SLC24A3: variants seen among roughly 807,000 people sequenced by gnomAD.
The protein encoded by SLC24A3 is sodium/potassium/calcium exchanger 3.
SLC24A3 carries 28 observed loss-of-function variants against 75.8 expected under a neutral mutation model. That is an observed-to-expected ratio of 0.37 (90% CI 0.27 to 0.51). The LOEUF is 0.51. Among genes scored for constraint, SLC24A3 ranks in the 20% least tolerant of loss-of-function variants. The pLI, the probability that SLC24A3 is intolerant of heterozygous loss-of-function variation, is 0.94. For missense variants in SLC24A3, 663 were observed against 847.8 expected, an observed-to-expected ratio of 0.78 and a Z score of 2.71; for synonymous variants, 372 against 334.1, an observed-to-expected ratio of 1.11 and a Z score of -1.24.
At chr20:19,448,900 C>T (rs1263232961) in intron 2 of SLC24A3, among the ~76,000 whole-genome samples, 2 of 152,232 alleles carry the variant, frequency 1.3e-5, no homozygotes, top group Non-Finnish European at 2.9e-5. Context: ...ATTTTCTCCT[C>T]TCCTACTAAT....
At chr20:19,667,833 T>C (rs2032417577) in intron 8 of SLC24A3, among the ~76,000 whole-genome samples, 2 of 152,190 alleles carry the variant, frequency 1.3e-5, no homozygotes, top group Admixed American at 6.5e-5. Context: ...CCTAAGTTTT[T>C]CCCATGATGT....
intron 3 of SLC24A3, among the ~76,000 whole-genome samples, chr20:19,567,480 G>A (rs1366583411): frequency 1.3e-5 from 2 of 152,242 alleles, no homozygotes; most frequent in Non-Finnish European, 2.9e-5. Context: ...ACAAAGCTGG[G>A]AACAACAGAC....
chr20:19,278,218 T>C (rs1421971248), intron 1 of SLC24A3, among the ~76,000 whole-genome samples: 1 of 152,194 alleles, frequency 6.6e-6, no homozygotes, highest in East Asian at 1.9e-4. Context: ...GGTGGATGAA[T>C]ACCTAAGCTT....
chr20:19,217,291 G>A (rs1018357307), intron 1 of SLC24A3, among the ~76,000 whole-genome samples: 6 of 152,138 alleles, frequency 3.9e-5, no homozygotes, highest in African/African-American at 1.4e-4. Context: ...CACATTATAA[G>A]AGCCTCTGCT....
chr20:19,456,114 G>C (rs974548123), intron 2 of SLC24A3, among the ~76,000 whole-genome samples: 1 of 152,062 alleles, frequency 6.6e-6, no homozygotes, highest in Non-Finnish European at 1.5e-5. Flanking sequence ...TCTGTAACAC[G>C]TTTCTTAAAG....
At chr20:19,397,394 A>G (rs1023654880) in intron 2 of SLC24A3, among the ~76,000 whole-genome samples, 4 of 152,200 alleles carry the variant, frequency 2.6e-5, no homozygotes, top group African/African-American at 4.8e-5. Flanking sequence ...AAGCCCTCCA[A>G]TCAAGATAAG....
intron 8 of SLC24A3, among the ~76,000 whole-genome samples, chr20:19,671,856 G>C (rs559999920): frequency 3.2e-4 from 48 of 152,152 alleles, no homozygotes; most frequent in African/African-American, 1.1e-3. Context: ...CACCTAGGGA[G>C]AAAACATAGG....
chr20:19,453,950 A>G (rs1019767883), intron 2 of SLC24A3, among the ~76,000 whole-genome samples: 1 of 152,248 alleles, frequency 6.6e-6, no homozygotes, highest in Non-Finnish European at 1.5e-5. Context: ...CTGCAAGCGT[A>G]TGAGCTAAAC....
At chr20:19,217,439 A>G (rs1183314124) in intron 1 of SLC24A3, among the ~76,000 whole-genome samples, 3 of 152,176 alleles carry the variant, frequency 2.0e-5, no homozygotes, top group Admixed American at 1.3e-4. Context: ...ATATAGACAA[A>G]CATACACACA....
intron 2 of SLC24A3, among the ~76,000 whole-genome samples, chr20:19,469,008 T>C (rs1052949366): frequency 5.3e-5 from 8 of 152,170 alleles, no homozygotes; most frequent in African/African-American, 1.9e-4. Context: ...AGATGGATAC[T>C]TAACACCAGC....
intron 2 of SLC24A3, among the ~76,000 whole-genome samples, chr20:19,391,453 T>C (rs1986364180): frequency 6.6e-6 from 1 of 152,200 alleles, no homozygotes; most frequent in Non-Finnish European, 1.5e-5. Context: ...TCAGTTTTTC[T>C]TGAGGGCACA....
intron 1 of SLC24A3, among the ~76,000 whole-genome samples, chr20:19,259,492 G>C (rs1216871548): frequency 6.6e-6 from 1 of 152,222 alleles, no homozygotes; most frequent in Non-Finnish European, 1.5e-5. Flanking sequence ...GAGCACTGCT[G>C]AGTGGCAGCG....
intron 15 of SLC24A3, among the ~76,000 whole-genome samples, chr20:19,710,375 C>T (rs2032975193): frequency 6.6e-6 from 1 of 152,152 alleles, no homozygotes; most frequent in African/African-American, 2.4e-5. Context: ...TGTCTGCATC[C>T]GTACTAAAAA....
At chr20:19,514,871 C>T (rs1378333167) in intron 2 of SLC24A3, among the ~76,000 whole-genome samples, 1 of 152,110 alleles carries the variant, frequency 6.6e-6, no homozygotes, top group East Asian at 1.9e-4. Flanking sequence ...AGGGAGGGAG[C>T]AGGGAGGGGG....
At chr20:19,649,559 T>C (rs2032176986) in intron 6 of SLC24A3, among the ~76,000 whole-genome samples, 1 of 152,242 alleles carries the variant, frequency 6.6e-6, no homozygotes, top group African/African-American at 2.4e-5. Context: ...AAGCAGTTAA[T>C]TTTAAAATGT....
chr20:19,483,169 A>G (rs186505839), intron 2 of SLC24A3, among the ~76,000 whole-genome samples: 14 of 152,324 alleles, frequency 9.2e-5, no homozygotes, highest in Non-Finnish European at 2.9e-5. Flanking sequence ...TTCATTGATC[A>G]AACTGTCCCA....
chr20:19,454,083 A>G (rs1987538221), intron 2 of SLC24A3, among the ~76,000 whole-genome samples: 1 of 152,204 alleles, frequency 6.6e-6, no homozygotes, highest in African/African-American at 2.4e-5. Context: ...TTCAGGAGGC[A>G]GACATGCTGG....
chr20:19,530,692 AG>A (rs2030281406), intron 3 of SLC24A3, among the ~76,000 whole-genome samples: 1 of 152,236 alleles, frequency 6.6e-6, no homozygotes, highest in Non-Finnish European at 1.5e-5. Flanking sequence ...CCTAGACAGC[AG>A]GGACATTGTC....
intron 3 of SLC24A3, among the ~76,000 whole-genome samples, chr20:19,526,960 A>T (rs192696749): frequency 2.0e-5 from 3 of 152,120 alleles, no homozygotes; most frequent in African/African-American, 7.2e-5. Flanking sequence ...CCCATAATCC[A>T]TGTGATGACT....
Sources: allele counts gnomAD v4.1 joint callset (sites outside exome capture counted in the v4.1 genomes callset), GRCh38; gene constraint gnomAD v4.1.1; transcripts MANE v1.5; gene names NCBI Gene and HGNC (gene_info 2026-07-23, HGNC 2026-07-21).